Variants in GRID2 observed in about 807,000 individuals in gnomAD.
The protein encoded by GRID2 is glutamate ionotropic receptor delta type subunit 2.
GRID2 carries 33 observed loss-of-function variants against 114.8 expected under a neutral mutation model. That is an observed-to-expected ratio of 0.29 (90% confidence interval 0.22 to 0.38). The LOEUF is 0.38. GRID2 is among the 10% of genes least tolerant of loss of function. The pLI, the probability that GRID2 is intolerant of heterozygous loss-of-function variation, is 1.00. For missense variants in GRID2, 1,184 were observed against 1,257.7 expected (o/e 0.94, Z 0.89); for synonymous variants, 505 against 449.9 (o/e 1.12, Z -1.55).
chr4:93,450,570 A>T (rs1017110642), intron 10 of GRID2, among the ~76,000 whole-genome samples: 23 of 151,736 alleles, frequency 1.5e-4, no homozygotes, highest in Admixed American at 1.5e-3. Context: ...ATGTATTTCA[A>T]TTTGTCTAAG....
intron 1 of GRID2, among the ~76,000 whole-genome samples, chr4:92,354,463 A>G (rs1728221255): frequency 6.6e-6 from 1 of 151,622 alleles, no homozygotes; most frequent in Non-Finnish European, 1.5e-5. Context: ...TTTTTTCCTG[A>G]GTATTATTAC....
Position 93,564,170 on chromosome 4 carries a change from T to A in GRID2, c.2193+48759T>A, listed in dbSNP as rs528544523. Among the ~76,000 whole-genome samples, 6 of 152,112 alleles carry A rather than the reference T, an allele frequency of 3.9e-5. No homozygotes were observed. In the East Asian group the frequency reaches 1.2e-3, roughly 29 times the overall value. On this transcript the variant is annotated intron_variant, in intron 13 of 15. Transcript: ENST00000282020. ...TGCCAGAGAAAGGGCTTTTTAAAAA[T>A]CTATAAGTTTGAAACTGTTTCATAG...
chr4:93,302,340 A>G (rs1190004767), intron 8 of GRID2, among the ~76,000 whole-genome samples: 1 of 152,214 alleles, frequency 6.6e-6, no homozygotes, highest in Non-Finnish European at 1.5e-5. Context: ...TAATCAGTGA[A>G]TAAAGCTAGA....
At chr4:92,362,695 A>T (rs1728675011) in intron 1 of GRID2, among the ~76,000 whole-genome samples, 1 of 152,034 alleles carries the variant, frequency 6.6e-6, no homozygotes, top group East Asian at 1.9e-4. Context: ...GTTAAAAAGG[A>T]TATTTTTTGA....
At chr4:93,038,573 G>A (rs1304754932) in intron 2 of GRID2, among the ~76,000 whole-genome samples, 3 of 152,124 alleles carry the variant, frequency 2.0e-5, no homozygotes, top group African/African-American at 4.8e-5. Flanking sequence ...GGTGGATCAT[G>A]AAGTCAGGAG....
chr4:93,408,237 G>T (rs538105915), intron 9 of GRID2, among the ~76,000 whole-genome samples: 6 of 152,146 alleles, frequency 3.9e-5, no homozygotes, highest in Non-Finnish European at 8.8e-5. Context: ...TGTTTTATCA[G>T]TCTCAGGGAA....
intron 4 of GRID2, among the ~76,000 whole-genome samples, chr4:93,136,094 A>G (rs1735218000): frequency 6.6e-6 from 1 of 152,200 alleles, no homozygotes; most frequent in Admixed American, 6.5e-5. Flanking sequence ...TGCCCATTGT[A>G]TAGATAAATA....
chr4:93,604,651 G>C (rs758789395), intron 13 of GRID2, among the ~76,000 whole-genome samples: 4 of 152,100 alleles, frequency 2.6e-5, no homozygotes, highest in Non-Finnish European at 5.9e-5. Context: ...AAAATTTGAT[G>C]AATGTGGCAA....
chr4:92,612,102 A>G (rs1461870800), intron 2 of GRID2, among the ~76,000 whole-genome samples: 1 of 151,378 alleles, frequency 6.6e-6, no homozygotes, highest in Non-Finnish European at 1.5e-5. Context: ...AAATGCCTAT[A>G]TTTAACTTTT....
At chr4:92,813,263 C>T (rs1387615345) in intron 2 of GRID2, among the ~76,000 whole-genome samples, 1 of 152,098 alleles carries the variant, frequency 6.6e-6, no homozygotes, top group African/African-American at 2.4e-5. Context: ...TCTAACAATT[C>T]TGAAGGCTAG....
At chr4:92,566,136 TTGG>T (rs568413644) in intron 1 of GRID2, among the ~76,000 whole-genome samples, 41 of 152,080 alleles carry the variant, frequency 2.7e-4, no homozygotes, top group Non-Finnish European at 5.6e-4. Context: ...CGCAAAATTT[TTGG>T]TGAAGTATTT....
At chr4:93,462,230 G>A (rs948830358) in intron 11 of GRID2, among the ~76,000 whole-genome samples, 1 of 152,126 alleles carries the variant, frequency 6.6e-6, no homozygotes, top group African/African-American at 2.4e-5. Flanking sequence ...TGTGCTTTGA[G>A]TATGATGCTA....
At chr4:92,593,047 A>T (rs1011300634) in intron 2 of GRID2, among the ~76,000 whole-genome samples, 3 of 152,038 alleles carry the variant, frequency 2.0e-5, no homozygotes, top group Admixed American at 6.6e-5. Flanking sequence ...GTCTGTTTTC[A>T]TTTTTTTACA....
intron 2 of GRID2, among the ~76,000 whole-genome samples, chr4:92,794,905 T>TATATATATATATATATACAC (rs745392261): frequency 1.6e-4 from 20 of 127,796 alleles, no homozygotes; most frequent in African/African-American, 5.6e-4. Context: ...TATATATATA[T>TATATATATATATATATACAC]ACACACACAC....
At chr4:93,766,449 A>G (rs1482912732) in intron 14 of GRID2, among the ~76,000 whole-genome samples, 1 of 152,124 alleles carries the variant, frequency 6.6e-6, no homozygotes, top group African/African-American at 2.4e-5. Context: ...AACCACCCCC[A>G]TGATTCAATT....
chr4:93,323,368 A>T (rs1336795215), intron 8 of GRID2, among the ~76,000 whole-genome samples: 1 of 151,864 alleles, frequency 6.6e-6, no homozygotes, highest in African/African-American at 2.4e-5. Flanking sequence ...GATGTGTGGT[A>T]TTATTTCTGA....
chr4:92,863,387 C>G (rs1389279756), intron 2 of GRID2, among the ~76,000 whole-genome samples: 1 of 152,112 alleles, frequency 6.6e-6, no homozygotes. Context: ...ACACCACCGA[C>G]TCCTCCAGCA....
At chr4:92,479,038 G>A (rs551119355) in intron 1 of GRID2, among the ~76,000 whole-genome samples, 14 of 152,122 alleles carry the variant, frequency 9.2e-5, no homozygotes, top group African/African-American at 2.6e-4. Flanking sequence ...GTCAAAATTC[G>A]TTACAGTGAG....
chr4:93,200,032 G>A (rs1227062634), intron 4 of GRID2, among the ~76,000 whole-genome samples: 1 of 152,106 alleles, frequency 6.6e-6, no homozygotes. Context: ...TGTTTGTTTA[G>A]TTTTAGCAGA....
Sources: allele counts gnomAD v4.1 joint callset (sites outside exome capture counted in the v4.1 genomes callset), GRCh38; gene constraint gnomAD v4.1.1; transcripts MANE v1.5; gene names NCBI Gene and HGNC (gene_info 2026-07-23, HGNC 2026-07-21).